INSC: variants seen among roughly 807,000 people sequenced by gnomAD.
INSC encodes the protein INSC spindle orientation adaptor protein, also known as protein inscuteable homolog.
Under a neutral mutation model 58.6 loss-of-function variants are expected in INSC, and 67 were observed. That is an observed-to-expected ratio of 1.14 (90% confidence interval 0.94 to 1.40). The LOEUF (loss-of-function observed/expected upper bound fraction) is 1.40. Ranked by LOEUF, INSC falls within the 40% of genes most tolerant of loss-of-function variation. The probability of loss-of-function intolerance (pLI) is 0.00; values close to 1 mark genes in which losing one functional copy is unlikely to be tolerated. For missense variants in INSC, 714 were observed against 692.0 expected (o/e 1.03, Z -0.36); for synonymous variants, 262 against 276.1 (o/e 0.95, Z 0.51).
chr11:15,185,549 G>A (rs1241124064), intron 5 of INSC, among the ~76,000 whole-genome samples: 1 of 151,830 alleles, frequency 6.6e-6, no homozygotes, highest in Non-Finnish European at 1.5e-5. Flanking sequence ...GAGCTTGATA[G>A]TAACAGGAAA....
At chr11:15,204,362 C>T (rs1589966157) in intron 7 of INSC, among the ~76,000 whole-genome samples, 1 of 152,338 alleles carries the variant, frequency 6.6e-6, no homozygotes, top group East Asian at 1.9e-4. Context: ...TGTGCAGACC[C>T]AGGACTCAAA....
chr11:15,264,638 T>C, the INSC span, among the ~76,000 whole-genome samples: 1 of 150,052 alleles, frequency 6.7e-6, no homozygotes, highest in Admixed American at 6.7e-5. Context: ...TCTATTCTGC[T>C]GCGGCTACTG....
At chr11:15,262,351 C>G in the INSC span, among the ~76,000 whole-genome samples, 1 of 152,026 alleles carries the variant, frequency 6.6e-6, no homozygotes, top group Non-Finnish European at 1.5e-5. Flanking sequence ...CAAGTTTTTA[C>G]CATAAAGGCA....
intron 1 of INSC, among the ~76,000 whole-genome samples, chr11:15,136,429 T>A (rs1236403524): frequency 1.3e-5 from 2 of 152,108 alleles, no homozygotes; most frequent in Non-Finnish European, 2.9e-5. Context: ...GTTTGCCACA[T>A]CAATTGACTC....
chr11:15,203,349 A>G (rs1850671087), intron 7 of INSC, among the ~76,000 whole-genome samples: 1 of 152,148 alleles, frequency 6.6e-6, no homozygotes, highest in Admixed American at 6.6e-5. Context: ...TCTCCTCTCC[A>G]GGCCAGATTG....
At chr11:15,259,042 C>A in the INSC span, among the ~76,000 whole-genome samples, 1 of 152,202 alleles carries the variant, frequency 6.6e-6, no homozygotes, top group South Asian at 2.1e-4. Context: ...CTTGTCAGCT[C>A]CTGGTCCACT....
At chr11:15,242,586 C>A (rs532991349) in intron 12 of INSC, among the ~76,000 whole-genome samples, 1 of 152,332 alleles carries the variant, frequency 6.6e-6, no homozygotes, top group Non-Finnish European at 1.5e-5. Flanking sequence ...ACCTACCACT[C>A]TCTCCAGGCC....
At chr11:15,229,986 T>TA (rs1564917363) in intron 9 of INSC, among the ~76,000 whole-genome samples, 13 of 31,648 alleles carry the variant, frequency 4.1e-4, no homozygotes, top group African/African-American at 1.7e-3. Flanking sequence ...ATATTATATA[T>TA]ATATATATAT....
chr11:15,127,886 T>C (rs552549698), intron 1 of INSC, among the ~76,000 whole-genome samples: 3 of 151,860 alleles, frequency 2.0e-5, no homozygotes, highest in African/African-American at 4.8e-5. Flanking sequence ...TCCCAGCTAC[T>C]GGGGAGGCTG....
chr11:15,221,400 T>A, intron 7 of INSC, 77 bp from the exon 8 acceptor site: 1 of 1,489,346 alleles, frequency 6.7e-7, no homozygotes. Flanking sequence ...GGGCTGAATC[T>A]GTATCTGTCT....
At chr11:15,179,099 T>C (rs1849673987) in intron 5 of INSC, among the ~76,000 whole-genome samples, 1 of 152,214 alleles carries the variant, frequency 6.6e-6, no homozygotes, top group Non-Finnish European at 1.5e-5. Context: ...TTTCTATCTG[T>C]GGTTCACCAT....
chr11:15,137,974 G>A (rs1848284661), intron 1 of INSC, among the ~76,000 whole-genome samples: 1 of 152,164 alleles, frequency 6.6e-6, no homozygotes, highest in Non-Finnish European at 1.5e-5. Flanking sequence ...TGAAAGATGT[G>A]TGACTCTTCC....
intron 1 of INSC, among the ~76,000 whole-genome samples, chr11:15,139,476 C>A (rs780558395): frequency 6.6e-5 from 10 of 152,290 alleles, no homozygotes; most frequent in Non-Finnish European, 1.0e-4. Context: ...GAATAAGAAG[C>A]AGTAGAATTG....
chr11:15,185,553 C>T (rs1292132770), intron 5 of INSC, among the ~76,000 whole-genome samples: 6 of 151,546 alleles, frequency 4.0e-5, no homozygotes, highest in Non-Finnish European at 8.8e-5. Flanking sequence ...TTGATAGTAA[C>T]AGGAAATAAC....
chr11:15,140,555 A>T lies in INSC; in HGVS notation c.-45-8575A>T, dbSNP rs116807412. Among the ~76,000 whole-genome samples, 1,288 of 145,656 alleles carry T rather than the reference A, an allele frequency of 8.8e-3. 18 individuals are homozygous for T. Among genetic ancestry groups the T allele is most frequent in the African/African-American group, 0.031 (1,230 of 39,670 alleles). ...GCTGTGTGACCTCAGTTGGTGTCTT[A>T]TTCTTTTTTTTGATTTCTTTCTTTC... On this transcript the variant is annotated intron_variant, in intron 1 of 12. Transcript: ENST00000379556.
chr11:15,173,500 G>A (rs1216696281), intron 2 of INSC, among the ~76,000 whole-genome samples: 1 of 152,084 alleles, frequency 6.6e-6, no homozygotes, highest in Admixed American at 6.5e-5. Context: ...CATGAGATGT[G>A]ATTCTACTTA....
At chr11:15,148,821 C>G (rs993841314) in intron 1 of INSC, among the ~76,000 whole-genome samples, 1 of 152,146 alleles carries the variant, frequency 6.6e-6, no homozygotes, top group Non-Finnish European at 1.5e-5. Flanking sequence ...ATGTCCTGTG[C>G]AATACGTATG....
intron 5 of INSC, among the ~76,000 whole-genome samples, chr11:15,190,174 G>A (rs1850110939): frequency 6.6e-6 from 1 of 152,146 alleles, no homozygotes; most frequent in African/African-American, 2.4e-5. Context: ...GAGAGCAAAT[G>A]TCCAAGAAAA....
chr11:15,262,454 C>A, the INSC span, among the ~76,000 whole-genome samples: 1 of 151,876 alleles, frequency 6.6e-6, no homozygotes, highest in East Asian at 1.9e-4. Flanking sequence ...CGAAGAGAAG[C>A]CCCCAGCAAA....
Sources: allele counts gnomAD v4.1 joint callset (sites outside exome capture counted in the v4.1 genomes callset), GRCh38; gene constraint gnomAD v4.1.1; transcripts MANE v1.5; gene names NCBI Gene and HGNC (gene_info 2026-07-23, HGNC 2026-07-21).